MATN4: variants seen among roughly 807,000 people sequenced by gnomAD.
MATN4 encodes matrilin 4.
A neutral mutation model predicts 54.6 loss-of-function variants in MATN4; 40 were observed. The ratio of observed to expected loss-of-function variants is 0.73; its 90% CI spans 0.57 to 0.95. The LOEUF (loss-of-function observed/expected upper bound fraction) is 0.95, where lower values mean the gene tolerates loss of function less well. Ranked by LOEUF, MATN4 falls within the 40% of genes least tolerant of loss-of-function variation. The probability of loss-of-function intolerance (pLI) is 0.00; values close to 1 mark genes in which losing one functional copy is unlikely to be tolerated. For synonymous variants in MATN4, 351 were observed against 345.3 expected (o/e 1.02, Z -0.18); for missense variants, 810 against 819.1 (o/e 0.99, Z 0.13).
chr20:45,305,805 C>CTATTTTTTTTTTTTTTT (rs1986593667), intron 1 of MATN4, among the ~76,000 whole-genome samples, 189 bp from the exon 2 acceptor site: 1 of 64,676 alleles, frequency 1.5e-5, no homozygotes, highest in African/African-American at 6.5e-5. Context: ...ACAAGAGATT[C>CTATTTTTTTTTTTTTTT]TTTTTTTTTT....
chr20:45,306,600 A>C (rs1267903054), intron 1 of MATN4, among the ~76,000 whole-genome samples: 1 of 152,188 alleles, frequency 6.6e-6, no homozygotes, highest in African/African-American at 2.4e-5. Flanking sequence ...TGCGGGGCTG[A>C]GCGTGGTGGC....
At chr20:45,305,743 T>G (rs1986579001) in intron 1 of MATN4, 127 bp from the exon 2 acceptor site, 1 of 413,944 alleles carries the variant, frequency 2.4e-6, no homozygotes, top group African/African-American at 2.1e-5. Context: ...TGTGTATGTT[T>G]GAAATGTTTC....
chr20:45,298,641 C>A lies in MATN4; in HGVS notation c.1013-58G>T. The A allele has an allele frequency of 7.3e-7, 1 of 1,368,678 alleles. No homozygotes were observed. The highest frequency in any genetic ancestry group is 1.4e-5 in the South Asian group (1 of 71,310). 84.8% of individuals were successfully genotyped at this position (1,368,678 alleles called of 1,614,324 possible). A position where few individuals can be genotyped will look rare whatever the true frequency, so the allele number is the denominator to read the frequency against. On this transcript the variant is annotated intron_variant, in intron 6 of 9. Coordinates refer to ENST00000372756, the MANE Select transcript of MATN4 (RefSeq NM_001393530.1). The surrounding 1 kb of genome is among the most constrained non-coding windows in gnomAD (Gnocchi z 4.6). ...CAGATTCTGGACTGGCAGCAGCTGT[C>A]TATCCATCTAGTCGTTCATTCGCAA...
intron 3 of MATN4, chr20:45,303,343 A>G: frequency 1.4e-6 from 1 of 694,724 alleles, no homozygotes. Flanking sequence ...GGAGAGCCAA[A>G]GAAGGTTCAG....
intron 8 of MATN4, among the ~76,000 whole-genome samples, 179 bp from the exon 9 acceptor site, chr20:45,294,194 G>T (rs1985667672): frequency 6.6e-6 from 1 of 152,164 alleles, no homozygotes; most frequent in Non-Finnish European, 1.5e-5. Context: ...TCTAAGCTCA[G>T]TTTTCTCATC....
At chr20:45,303,353 G>A (rs1399167905) in intron 3 of MATN4, 8 of 703,352 alleles carry the variant, frequency 1.1e-5, no homozygotes, top group Non-Finnish European at 2.7e-6. Flanking sequence ...AGAAGGTTCA[G>A]GAGCAGTGAG....
Position 45,304,475 on chromosome 20 carries a change from T to C in MATN4, c.396A>G (p.Arg132=), listed in dbSNP as rs1303486886. ...NVAFSVAEGA[R]PPEERVPRVA... is the part of the protein sequence containing the mutation. ...CACGCGGCACGCGCTCCTCTGGCGG[T>C]CGCGCGCCCTCGGCCACACTGAAGG... is the stretch of plus-strand genomic sequence containing the variant. Residue 132 remains arginine, a synonymous_variant, in exon 3 of 10, where the codon CGA becomes CGG. Transcript: ENST00000372756. 1.9e-6 allele frequency: 3 copies of C among 1,568,030 alleles called. No homozygotes were observed. The highest frequency in any genetic ancestry group is 2.6e-6 in the Non-Finnish European group (3 of 1,149,576).
At chr20:45,295,596 C>T (rs1985762712) in intron 8 of MATN4, among the ~76,000 whole-genome samples, 1 of 152,064 alleles carries the variant, frequency 6.6e-6, no homozygotes, top group Non-Finnish European at 1.5e-5. Context: ...ACTGTGTTAG[C>T]CAGGATGGTC....
intron 8 of MATN4, among the ~76,000 whole-genome samples, chr20:45,294,388 A>C (rs66503531): frequency 2.6e-5 from 4 of 152,120 alleles, no homozygotes; most frequent in Non-Finnish European, 5.9e-5. Flanking sequence ...AATGGAGAAG[A>C]AGCTCAGAAG....
rs1044592691 is a variant in MATN4 at position 45,305,517 on chromosome 20, C to T, written c.66G>A (p.Gln22=). The change falls in exon 2 of 10, where the codon CAG becomes CAA. Residue 22 remains glutamine (Q), a synonymous_variant. Transcript: ENST00000372756. ...LLLQPWETQL[Q]LTGPRCHTGP... Reference sequence around the variant, plus strand: ...GGCTGGGCCCCAGTTCACCTGTCAACTGGAGCTGGGTTTCCCAGGGCTGAA... The same window carrying T: ...GGCTGGGCCCCAGTTCACCTGTCAATTGGAGCTGGGTTTCCCAGGGCTGAA... 1.3e-6 allele frequency: 2 copies of T among 1,554,688 alleles called. No homozygotes were observed. Among genetic ancestry groups the T allele is most frequent in the African/African-American group, 1.4e-5 (1 of 73,256 alleles).
chr20:45,297,073 C>T (rs1450586539), intron 8 of MATN4, among the ~76,000 whole-genome samples: 1 of 151,862 alleles, frequency 6.6e-6, no homozygotes, highest in Non-Finnish European at 1.5e-5. Context: ...CTCAAGTGAT[C>T]CAGCCGCCTC....
chr20:45,304,871 G>A lies in MATN4; in HGVS notation c.74-74C>T, dbSNP rs1163527005. ...CCGAGGAGACCCCCTAGGAAACCCA[G>A]GGGAAATGCCGCTATGCCGACATAA... is the stretch of plus-strand genomic sequence containing the variant. On this transcript the variant is annotated intron_variant, in intron 2 of 9. Coordinates refer to ENST00000372756, the MANE Select transcript of MATN4 (RefSeq NM_001393530.1). The A allele has an allele frequency of 6.2e-6, 6 of 961,054 alleles. No homozygotes were observed. In the African/African-American group the frequency reaches 9.9e-5, roughly 16 times the overall value. The allele number at this position is 961,054 out of a possible 1,614,324, so 59.5% of individuals were successfully genotyped here.
In MATN4 at chr20:45,301,326, C is replaced by A. The variant is rs1157334122; in HGVS notation, c.761G>T (p.Cys254Phe). ...GFVLQQDQRS[C>F]RAIDYCSFGN... is the part of the protein sequence containing the mutation. ...AGGGTGGGGGTGTTGCTCACCCCTGCAGCTCCTCTGGTCCTGCTGGAGTAC... is the reference window on the plus strand; with the variant it reads ...AGGGTGGGGGTGTTGCTCACCCCTGAAGCTCCTCTGGTCCTGCTGGAGTAC... Residue 254 changes from cysteine (C) to phenylalanine (F), a missense_variant, in exon 4 of 10, where the codon TGC (cysteine) becomes TTC (phenylalanine). By Grantham distance (205) the Cys-to-Phe change is radical (BLOSUM62 -2). Coordinates refer to ENST00000372756, the MANE Select transcript of MATN4 (RefSeq NM_001393530.1). The A allele has an allele frequency of 1.2e-6, 2 of 1,614,152 alleles. No individual in the cohort carries two copies. The highest frequency in any genetic ancestry group is 1.7e-5 in the Admixed American group (1 of 60,032).
chr20:45,305,400 T>C (rs1188012420), intron 2 of MATN4, 110 bp downstream of exon 2: 3 of 778,558 alleles, frequency 3.9e-6, no homozygotes, highest in African/African-American at 1.8e-5. Flanking sequence ...CCCAGTCCCA[T>C]ATGTTCCAAA....
chr20:45,303,146 G>A (rs1251521670), intron 3 of MATN4, among the ~76,000 whole-genome samples: 1 of 151,658 alleles, frequency 6.6e-6, no homozygotes, highest in East Asian at 1.9e-4. Flanking sequence ...ACAAGTTTGG[G>A]AGGTTGATTA....
In MATN4 at chr20:45,293,746, G is replaced by A. The variant is rs765727839; in HGVS notation, c.*21C>T. ...GTCCGTGGTGCCGCGCCCCAGCCCG[G>A]GTCTGGGCCGTCCGTGGCCCTCACT... On this transcript the variant is annotated 3_prime_UTR_variant, in exon 10 of 10. Transcript: ENST00000372756. 3 of 1,598,012 alleles carry A rather than the reference G, an allele frequency of 1.9e-6. No individual in the cohort carries two copies. Among genetic ancestry groups the A allele is most frequent in the African/African-American group, 2.7e-5 (2 of 74,764 alleles).
rs528702989 is a variant in MATN4, at chr20:45,301,107, C to T, written c.884G>A (p.Cys295Tyr). The T allele has an allele frequency of 6.2e-7, 1 of 1,614,196 alleles. No homozygotes were observed. Among genetic ancestry groups the T allele is most frequent in the East Asian group, 2.2e-5 (1 of 44,890 alleles). ...TGTAGGAGAGCCCTCCTCACCCTGA[C>T]AGCTCCTCCCATCAGGCTGCAAGTC... ...GHDLQPDGRS[C>Y]QVRDLCNGVD... The change falls in exon 5 of 10, where the codon TGT becomes TAT. Residue 295 changes from cysteine (C) to tyrosine (Y), a missense_variant. By Grantham distance (194) the Cys-to-Tyr change is radical. Transcript: ENST00000372756.
intron 8 of MATN4, among the ~76,000 whole-genome samples, chr20:45,294,261 C>T (rs1240631722): frequency 7.2e-6 from 1 of 137,980 alleles, no homozygotes; most frequent in Non-Finnish European, 1.5e-5. Context: ...GATTCATTCA[C>T]CTGTGTACGT....
intron 8 of MATN4, 58 bp from the exon 9 acceptor site, chr20:45,294,073 T>C (rs1330641460): frequency 7.4e-7 from 1 of 1,359,224 alleles, no homozygotes; most frequent in Non-Finnish European, 1.0e-6. Flanking sequence ...TTTGGCCCTC[T>C]GATTTCCCTG....
Sources: allele counts gnomAD v4.1 joint callset (sites outside exome capture counted in the v4.1 genomes callset), GRCh38; gene constraint gnomAD v4.1.1; non-coding constraint Gnocchi (gnomAD v3.1); transcripts MANE v1.5; gene names NCBI Gene and HGNC (gene_info 2026-07-23, HGNC 2026-07-21).